Variants in PRMT3 observed in about 807,000 individuals in gnomAD.
PRMT3 encodes the protein protein arginine methyltransferase 3.
Under a neutral mutation model 71.9 loss-of-function variants are expected in PRMT3, and 62 were observed. That is an observed-to-expected ratio of 0.86 (90% CI 0.70 to 1.07). The LOEUF (loss-of-function observed/expected upper bound fraction) is 1.07. PRMT3 is among the 50% of genes least tolerant of loss of function. The pLI is 0.00. For synonymous variants in PRMT3, 213 were observed against 220.4 expected, an observed-to-expected ratio of 0.97 and a Z score of 0.30; for missense variants, 663 against 643.0, an observed-to-expected ratio of 1.03 and a Z score of -0.34.
In PRMT3 at chr11:20,494,266, T is replaced by C. The variant is rs1158795875; in HGVS notation, c.1486+12T>C. On this transcript the variant is annotated intron_variant, in intron 15 of 15. Coordinates refer to ENST00000331079, the MANE Select transcript of PRMT3 (RefSeq NM_005788.4). ...TTCAGTTAAAGCAGGTGAGAAAGAA[T>C]AGTAGGGGGGAAGTATCTTATTCAT... 1.3e-6 allele frequency: 2 copies of C among 1,532,150 alleles called. No homozygotes were observed. Among genetic ancestry groups the C allele is most frequent in the Non-Finnish European group, 1.8e-6 (2 of 1,108,796 alleles). 94.9% of individuals were successfully genotyped at this position (1,532,150 alleles called of 1,614,324 possible).
intron 7 of PRMT3, among the ~76,000 whole-genome samples, chr11:20,398,012 T>TAAAAAAAAAAAAAAAAAAAAAAAAATAA (rs11424785): frequency 8.2e-6 from 1 of 121,718 alleles, no homozygotes. Flanking sequence ...TGTCTCTATT[T>TAAAAAAAAAAAAAAAAAAAAAAAAATAA]AAAAAAAAAA....
At chr11:20,477,285 G>C (rs1850813893) in intron 13 of PRMT3, among the ~76,000 whole-genome samples, 1 of 152,140 alleles carries the variant, frequency 6.6e-6, no homozygotes, top group Admixed American at 6.5e-5. Flanking sequence ...GGGTTTTAAA[G>C]TGAGTCTTGG....
In PRMT3 at chr11:20,437,578, A is replaced by C. The variant is rs1165436878; in HGVS notation, c.993+10713A>C. Among the ~76,000 whole-genome samples, 9 of 151,534 alleles carry C rather than the reference A, an allele frequency of 5.9e-5. 1 individual carries two copies. Among genetic ancestry groups the C allele is most frequent in the Non-Finnish European group, 1.3e-4 (9 of 67,858 alleles). On this transcript the variant is annotated intron_variant, in intron 10 of 15. Transcript: ENST00000331079. ...TGTAGAAGTTTGTGGCAGTGGTGGC[A>C]GCAGCATAGTTTTTTTTGTTGTTAT... is the stretch of plus-strand genomic sequence containing the variant.
chr11:20,491,232 C>A (rs935522836), intron 13 of PRMT3, among the ~76,000 whole-genome samples: 1 of 152,072 alleles, frequency 6.6e-6, no homozygotes, highest in African/African-American at 2.4e-5. Context: ...TCTTTTGATT[C>A]ATTCCATTGT....
At chr11:20,446,467 T>C (rs1246675698) in intron 10 of PRMT3, among the ~76,000 whole-genome samples, 2 of 152,118 alleles carry the variant, frequency 1.3e-5, no homozygotes, top group Admixed American at 1.3e-4. Context: ...ATTGTTTTTA[T>C]GAGCAGAGGT....
chr11:20,500,517 G>A (rs185692424), intron 15 of PRMT3, among the ~76,000 whole-genome samples: 3 of 152,286 alleles, frequency 2.0e-5, no homozygotes, highest in African/African-American at 4.8e-5. Flanking sequence ...TATTAATCTA[G>A]GCAGTATAGT....
intron 10 of PRMT3, among the ~76,000 whole-genome samples, chr11:20,432,414 C>T (rs1411049967): frequency 6.6e-6 from 1 of 152,074 alleles, no homozygotes; most frequent in African/African-American, 2.4e-5. Context: ...CTCCTATAAA[C>T]TGTATATTGT....
At chr11:20,425,943 C>A (rs1849536028) in intron 9 of PRMT3, among the ~76,000 whole-genome samples, 1 of 152,172 alleles carries the variant, frequency 6.6e-6, no homozygotes, top group Admixed American at 6.5e-5. Flanking sequence ...GAAAAAAATC[C>A]TCTATAGTTA....
At chr11:20,425,883 G>A (rs1268102437) in intron 9 of PRMT3, among the ~76,000 whole-genome samples, 4 of 152,114 alleles carry the variant, frequency 2.6e-5, no homozygotes, top group African/African-American at 9.7e-5. Flanking sequence ...TGAATTGTTT[G>A]TAAATAATAC....
At chr11:20,503,927 A>G (rs773166672) in intron 15 of PRMT3, among the ~76,000 whole-genome samples, 1 of 152,204 alleles carries the variant, frequency 6.6e-6, no homozygotes, top group Non-Finnish European at 1.5e-5. Flanking sequence ...TGACTATGCT[A>G]TCTAACATCC....
At chr11:20,442,697 A>G (rs1474685782) in intron 10 of PRMT3, among the ~76,000 whole-genome samples, 3 of 152,182 alleles carry the variant, frequency 2.0e-5, no homozygotes, top group Non-Finnish European at 4.4e-5. Flanking sequence ...GCACACCCCC[A>G]TGACCTGGAC....
chr11:20,387,969 G>A lies in PRMT3; in HGVS notation c.29-50G>A. The A allele has an allele frequency of 1.2e-6, 2 of 1,610,892 alleles. No homozygotes were observed. The highest frequency in any genetic ancestry group is 1.7e-4 in the Middle Eastern group (1 of 6,054). ...ATCGTCACCTGCTCCTCGAGCCCCCGGGCCGCACCGGTGTCCGAGGCCGAT... is the reference window on the plus strand; with the variant it reads ...ATCGTCACCTGCTCCTCGAGCCCCCAGGCCGCACCGGTGTCCGAGGCCGAT... On this transcript the variant is annotated intron_variant, in intron 1 of 15. Transcript: ENST00000331079. The surrounding 1 kb of genome is among the most constrained non-coding windows in gnomAD (Gnocchi z 4.3).
intron 9 of PRMT3, among the ~76,000 whole-genome samples, chr11:20,412,100 A>G (rs1375153997): frequency 1.3e-5 from 2 of 152,062 alleles, no homozygotes; most frequent in African/African-American, 4.8e-5. Context: ...CCAAGCTTGT[A>G]CTCTAGTTGC....
At chr11:20,405,687 CACAT>C (rs756085565) in intron 8 of PRMT3, 2 of 152,152 alleles carry the variant, frequency 1.3e-5, no homozygotes, top group East Asian at 1.9e-4. Flanking sequence ...TACAAAAAAA[CACAT>C]ACTCTTATTG....
At chr11:20,397,380 AGTAT>A (rs139636492) in intron 6 of PRMT3, among the ~76,000 whole-genome samples, 193 bp from the exon 7 acceptor site, 4,681 of 152,236 alleles carry the variant, frequency 0.031, 236 homozygotes, top group African/African-American at 0.11. Context: ...TTGTAGAAGG[AGTAT>A]GTATAATTGT....
chr11:20,453,318 T>TAAAAAAAA (rs35130616), intron 11 of PRMT3, among the ~76,000 whole-genome samples: 1 of 96,794 alleles, frequency 1.0e-5, no homozygotes. Context: ...CCGTCTTTAC[T>TAAAAAAAA]AAAAAAAAAA....
chr11:20,481,160 C>A (rs1899483), intron 13 of PRMT3, among the ~76,000 whole-genome samples: 6 of 151,960 alleles, frequency 3.9e-5, no homozygotes, highest in African/African-American at 1.2e-4. Flanking sequence ...TATGCTATTC[C>A]TTGAGGCTGT....
chr11:20,402,855 C>T (rs1848979709), intron 7 of PRMT3, 64 bp from the exon 8 acceptor site: 246 of 1,297,596 alleles, frequency 1.9e-4, no homozygotes, highest in Non-Finnish European at 2.7e-4. Flanking sequence ...GCAAATATCT[C>T]CCTTAAAAAA....
chr11:20,419,690 C>T (rs565874463), intron 9 of PRMT3, among the ~76,000 whole-genome samples: 30 of 152,174 alleles, frequency 2.0e-4, no homozygotes, highest in African/African-American at 6.5e-4. Flanking sequence ...TTGGTATTCT[C>T]TTTAGATGAC....
Sources: gnomAD v4.1 joint callset for allele counts (sites outside exome capture counted in the v4.1 genomes callset) on GRCh38, gnomAD v4.1.1 for gene constraint, Gnocchi (gnomAD v3.1) non-coding constraint, MANE v1.5 for transcripts, NCBI Gene and HGNC (gene_info 2026-07-23, HGNC 2026-07-21) for gene names.